ATP2B4: variants seen among roughly 807,000 people sequenced by gnomAD.
ATP2B4 encodes plasma membrane calcium-transporting ATPase 4.
A neutral mutation model predicts 110.3 loss-of-function variants in ATP2B4; 39 were observed. The ratio of observed to expected loss-of-function variants is 0.35; its 90% CI spans 0.27 to 0.46. The LOEUF (loss-of-function observed/expected upper bound fraction) is 0.46. ATP2B4 is among the 20% of genes least tolerant of loss of function. ATP2B4 has a pLI of 1.00. For missense variants in ATP2B4, 1,135 were observed against 1,530.9 expected (o/e 0.74, Z 4.32); for synonymous variants, 538 against 571.7 (o/e 0.94, Z 0.84).
chr1:203,694,482 T>A (rs1032531088), intron 2 of ATP2B4, among the ~76,000 whole-genome samples: 1 of 152,214 alleles, frequency 6.6e-6, no homozygotes, highest in African/African-American at 2.4e-5. Flanking sequence ...AAGAGGAATC[T>A]GGGCAGAGGG....
chr1:203,715,554 A>G (rs1666137280), intron 15 of ATP2B4, among the ~76,000 whole-genome samples: 1 of 143,396 alleles, frequency 7.0e-6, no homozygotes, highest in Admixed American at 7.0e-5. Flanking sequence ...TTCCGTCTCA[A>G]AAAAAATTTT....
At chr1:203,649,319 C>G (rs1350365817) in intron 1 of ATP2B4, among the ~76,000 whole-genome samples, 3 of 152,116 alleles carry the variant, frequency 2.0e-5, no homozygotes, top group Non-Finnish European at 2.9e-5. Context: ...AATTTATTTC[C>G]ATTCTTGACC....
rs935676880 is a variant in ATP2B4 at position 203,660,696 on chromosome 1, G to A, written c.-464-22046G>A. Among the ~76,000 whole-genome samples the A allele has an allele frequency of 1.1e-4, 17 of 152,228 alleles. 1 individual carries two copies. Among genetic ancestry groups the A allele is most frequent in the Admixed American group, 9.2e-4 (14 of 15,288 alleles). On this transcript the variant is annotated intron_variant, in intron 1 of 20. Coordinates refer to ENST00000357681, the MANE Select transcript of ATP2B4 (RefSeq NM_001684.5). ...CACCTGTAATCCCAGCTACTTGGGA[G>A]GCTGAGGCAGGAGAATTGCTTGAAC...
At chr1:203,708,150 G>A (rs780278117) in intron 10 of ATP2B4, 46 bp downstream of exon 10, 1 of 1,607,122 alleles carries the variant, frequency 6.2e-7, no homozygotes, top group African/African-American at 1.3e-5. Flanking sequence ...TGGTTGGAAG[G>A]GAACATCCAT....
intron 1 of ATP2B4, among the ~76,000 whole-genome samples, chr1:203,668,063 C>T (rs1039246225): frequency 2.6e-5 from 4 of 152,148 alleles, no homozygotes; most frequent in South Asian, 2.1e-4. Context: ...TCCTCCTCTG[C>T]GAATCCTTGT....
At chr1:203,724,032 G>T in intron 19 of ATP2B4, 44 bp downstream of exon 19, 1 of 1,517,262 alleles carries the variant, frequency 6.6e-7, no homozygotes, top group South Asian at 1.2e-5. Flanking sequence ...ACAGCCTGCA[G>T]AACTCCCCTC....
rs369578775 is a variant in ATP2B4, at chr1:203,649,222, G to A, written c.-465+22003G>A. Among the ~76,000 whole-genome samples, 4 of 152,290 alleles carry A rather than the reference G, an allele frequency of 2.6e-5. No homozygotes were observed. In the South Asian group the frequency reaches 8.3e-4, roughly 32 times the overall value. ...GTGGCTTCTCTCCACGCTGTAGAAT[G>A]GGAGAGTGAATTCCAGTTAAGTGCG... is the stretch of plus-strand genomic sequence containing the variant. On this transcript the variant is annotated intron_variant, in intron 1 of 20. Transcript: ENST00000357681.
intron 1 of ATP2B4, among the ~76,000 whole-genome samples, chr1:203,634,336 A>G (rs1663371120): frequency 6.6e-6 from 1 of 152,136 alleles, no homozygotes; most frequent in Non-Finnish European, 1.5e-5. Flanking sequence ...TTTAGCCAAC[A>G]TTATCTTTAT....
At chr1:203,707,284 G>T (rs1665877505) in intron 9 of ATP2B4, 61 bp downstream of exon 9, 2 of 1,479,194 alleles carry the variant, frequency 1.4e-6, no homozygotes, top group Admixed American at 3.8e-5. Flanking sequence ...AGGGTACCAT[G>T]TAACCTTTAG....
At chr1:203,638,793 A>C (rs1262556848) in intron 1 of ATP2B4, among the ~76,000 whole-genome samples, 2 of 152,194 alleles carry the variant, frequency 1.3e-5, no homozygotes, top group Non-Finnish European at 1.5e-5. Context: ...TGCTAGGAGC[A>C]GTTTGGAAGA....
chr1:203,665,886 G>T (rs1000109557), intron 1 of ATP2B4, among the ~76,000 whole-genome samples: 2 of 152,140 alleles, frequency 1.3e-5, no homozygotes, highest in African/African-American at 4.8e-5. Flanking sequence ...AAAATGAGGG[G>T]ATTTGTTTAG....
intron 20 of ATP2B4, among the ~76,000 whole-genome samples, chr1:203,730,029 A>G (rs1011338321): frequency 3.9e-5 from 6 of 152,140 alleles, no homozygotes; most frequent in African/African-American, 1.4e-4. Context: ...TCATGCCGAA[A>G]AAGTGGCAGA....
intron 2 of ATP2B4, among the ~76,000 whole-genome samples, chr1:203,690,076 G>A (rs1362331214): frequency 6.6e-6 from 1 of 151,918 alleles, no homozygotes; most frequent in East Asian, 1.9e-4. Context: ...TGGCAGGCGG[G>A]AAAAAAAATG....
chr1:203,693,953 C>G (rs763780791), intron 2 of ATP2B4, among the ~76,000 whole-genome samples: 28 of 152,288 alleles, frequency 1.8e-4, no homozygotes, highest in Non-Finnish European at 2.8e-4. Flanking sequence ...CCAGCGTCCT[C>G]TGTATCTAGG....
chr1:203,710,668 C>G (rs1397769619), intron 11 of ATP2B4, among the ~76,000 whole-genome samples: 1 of 152,208 alleles, frequency 6.6e-6, no homozygotes, highest in African/African-American at 2.4e-5. Context: ...GAGAATCCCA[C>G]TCTCTATATA....
At chr1:203,734,795 G>A (rs1371004395) in intron 20 of ATP2B4, among the ~76,000 whole-genome samples, 1 of 151,364 alleles carries the variant, frequency 6.6e-6, no homozygotes, top group Non-Finnish European at 1.5e-5. Context: ...ATAAGGTCAG[G>A]AGTTCAAGAC....
chr1:203,638,618 G>C (rs1266418155), intron 1 of ATP2B4, among the ~76,000 whole-genome samples: 3 of 152,084 alleles, frequency 2.0e-5, no homozygotes, highest in Admixed American at 6.5e-5. Context: ...TTGAGGCAGA[G>C]GTGGGGGTAC....
chr1:203,652,278 G>T (rs1664021766), intron 1 of ATP2B4, among the ~76,000 whole-genome samples: 1 of 151,378 alleles, frequency 6.6e-6, no homozygotes, highest in African/African-American at 2.4e-5. Context: ...CCAAGTAGTT[G>T]AAATTCAGGC....
chr1:203,700,723 A>G, intron 5 of ATP2B4, 75 bp from the exon 6 acceptor site: 2 of 1,579,380 alleles, frequency 1.3e-6, no homozygotes, highest in Non-Finnish European at 1.7e-6. Context: ...TTTTCTTCTA[A>G]GTTTGTGTTT....
Sources: allele counts gnomAD v4.1 joint callset (sites outside exome capture counted in the v4.1 genomes callset), GRCh38; gene constraint gnomAD v4.1.1; transcripts MANE v1.5; gene names NCBI Gene and HGNC (gene_info 2026-07-23, HGNC 2026-07-21).